The following CASR variants were observed in gnomAD, a reference collection of about 807,000 sequenced individuals.
CASR encodes the protein calcium sensing receptor.
CASR carries 23 observed loss-of-function variants against 69.1 expected under a neutral mutation model. The ratio of observed to expected loss-of-function variants is 0.33; its 90% CI spans 0.24 to 0.47. CASR has a LOEUF of 0.47. CASR is among the 20% of genes least tolerant of loss of function. The pLI is 1.00. For synonymous variants in CASR, 541 were observed against 544.7 expected, an observed-to-expected ratio of 0.99 and a Z score of 0.10; for missense variants, 924 against 1,356.1, an observed-to-expected ratio of 0.68 and a Z score of 5.00.
At chr3:122,186,978 T>C (rs1453797952) in intron 1 of CASR, among the ~76,000 whole-genome samples, 1 of 152,240 alleles carries the variant, frequency 6.6e-6, no homozygotes, top group Admixed American at 6.5e-5. Context: ...TTGGTCATGG[T>C]TTGCCATTGC....
intron 5 of CASR, among the ~76,000 whole-genome samples, chr3:122,280,273 T>C (rs533203884): frequency 6.6e-5 from 10 of 152,312 alleles, no homozygotes; most frequent in South Asian, 6.2e-4. Context: ...AGGCAAAAGC[T>C]GGACGCATTC....
At chr3:122,253,617 T>C (rs2074521418) in intron 1 of CASR, among the ~76,000 whole-genome samples, 1 of 152,400 alleles carries the variant, frequency 6.6e-6, no homozygotes, top group African/African-American at 2.4e-5. Flanking sequence ...AAGGAGCTTC[T>C]GCTACTAATA....
intron 1 of CASR, among the ~76,000 whole-genome samples, chr3:122,210,983 G>A (rs2074059867): frequency 6.6e-6 from 1 of 152,172 alleles, no homozygotes; most frequent in Non-Finnish European, 1.5e-5. Flanking sequence ...AACAAGCAAT[G>A]GGGAAAGGAT....
At chr3:122,201,374 A>G (rs981680598) in intron 1 of CASR, among the ~76,000 whole-genome samples, 2 of 152,226 alleles carry the variant, frequency 1.3e-5, no homozygotes, top group Non-Finnish European at 1.5e-5. Context: ...GTACAGAACA[A>G]AATGAAAAGT....
At chr3:122,266,317 T>G (rs1319468180) in intron 4 of CASR, among the ~76,000 whole-genome samples, 1 of 152,088 alleles carries the variant, frequency 6.6e-6, no homozygotes, top group East Asian at 1.9e-4. Context: ...ATGCATGTCC[T>G]GTATTTGCCC....
intron 1 of CASR, among the ~76,000 whole-genome samples, chr3:122,212,934 G>C (rs949624963): frequency 1.3e-5 from 2 of 152,150 alleles, no homozygotes; most frequent in Non-Finnish European, 1.5e-5. Context: ...GAGCCACAGT[G>C]CCTGGCCGAT....
In CASR at chr3:122,232,913, G is replaced by A. The variant is rs2074293238; in HGVS notation, c.-242-21035G>A. ...CAACTTCACAGAACATCAACAGCAAGCAAGATGTCTCTGTGACCATGATAA... is the reference window on the plus strand; with the variant it reads ...CAACTTCACAGAACATCAACAGCAAACAAGATGTCTCTGTGACCATGATAA... On this transcript the variant is annotated intron_variant, in intron 1 of 6. Transcript: ENST00000639785. Among the ~76,000 whole-genome samples the A allele has an allele frequency of 2.0e-5, 3 of 152,116 alleles. No individual in the cohort carries two copies. The South Asian group carries it at 6.2e-4, about 32-fold the overall frequency.
chr3:122,186,450 G>A (rs368131384), intron 1 of CASR, among the ~76,000 whole-genome samples: 59 of 152,204 alleles, frequency 3.9e-4, no homozygotes, highest in African/African-American at 1.3e-3. Context: ...AAGATAACAC[G>A]GCAATAAGTA....
chr3:122,241,920 G>C (rs1217710665), intron 1 of CASR, among the ~76,000 whole-genome samples: 1 of 151,928 alleles, frequency 6.6e-6, no homozygotes, highest in African/African-American at 2.4e-5. Context: ...CAGAACGAAG[G>C]ACAAAAATCA....
chr3:122,215,976 C>T (rs2074113934), intron 1 of CASR, among the ~76,000 whole-genome samples: 1 of 152,220 alleles, frequency 6.6e-6, no homozygotes, highest in East Asian at 1.9e-4. Flanking sequence ...GGTCCTTACC[C>T]TCACAGAGCC....
chr3:122,211,420 C>T (rs910693913), intron 1 of CASR, among the ~76,000 whole-genome samples: 1 of 152,060 alleles, frequency 6.6e-6, no homozygotes, highest in Non-Finnish European at 1.5e-5. Flanking sequence ...AAAAAGTAGG[C>T]AAAGGGGCCA....
intron 1 of CASR, among the ~76,000 whole-genome samples, chr3:122,246,039 T>G (rs2074424865): frequency 6.6e-6 from 1 of 152,216 alleles, no homozygotes; most frequent in Non-Finnish European, 1.5e-5. Flanking sequence ...ATTTGTGAAT[T>G]CCAGCTCCTG....
chr3:122,196,191 A>G (rs1379182416), intron 1 of CASR, among the ~76,000 whole-genome samples: 2 of 152,226 alleles, frequency 1.3e-5, no homozygotes, highest in Non-Finnish European at 2.9e-5. Flanking sequence ...TGTGTTCATG[A>G]TATAAACACA....
chr3:122,218,642 A>G (rs1482622445), intron 1 of CASR, among the ~76,000 whole-genome samples: 1 of 151,474 alleles, frequency 6.6e-6, no homozygotes, highest in Non-Finnish European at 1.5e-5. Flanking sequence ...AGGAGAATCC[A>G]TTTATTCATT....
intron 1 of CASR, among the ~76,000 whole-genome samples, chr3:122,242,684 T>A (rs1458559506): frequency 6.6e-6 from 1 of 152,112 alleles, no homozygotes; most frequent in Non-Finnish European, 1.5e-5. Context: ...TCCTAAAATT[T>A]ATATGGAACC....
At chr3:122,240,952 TAAG>T (rs2074373702) in intron 1 of CASR, among the ~76,000 whole-genome samples, 1 of 152,028 alleles carries the variant, frequency 6.6e-6, no homozygotes, top group South Asian at 2.1e-4. Flanking sequence ...GTGAAAAAAT[TAAG>T]AAGGAAATTT....
chr3:122,226,273 A>G (rs944891409), intron 1 of CASR, among the ~76,000 whole-genome samples: 1 of 151,234 alleles, frequency 6.6e-6, no homozygotes, highest in Non-Finnish European at 1.5e-5. Flanking sequence ...TCAGGAGTGA[A>G]GCTGCAGACC....
chr3:122,241,745 A>G (rs1161620132), intron 1 of CASR, among the ~76,000 whole-genome samples: 1 of 152,108 alleles, frequency 6.6e-6, no homozygotes, highest in Non-Finnish European at 1.5e-5. Flanking sequence ...ACTACAGGCC[A>G]ACATCTCTGA....
chr3:122,257,137 T>A lies in CASR; in HGVS notation c.242T>A (p.Ile81Lys). ...GCTATGATATTTGCCATAGAGGAGA[T>A]AAACAGCAGCCCAGCCCTTCTTCCC... The part of the protein sequence containing the change: ...LQAMIFAIEE[I>K]NSSPALLPNL... Residue 81 changes from isoleucine (I) to lysine (K), a missense_variant, in exon 3 of 7, where the codon ATA (isoleucine) becomes AAA (lysine). Transcript: ENST00000639785. 2 of 1,614,178 alleles carry A rather than the reference T, an allele frequency of 1.2e-6. No individual in the cohort carries two copies. The highest frequency in any genetic ancestry group is 1.7e-6 in the Non-Finnish European group (2 of 1,180,008).
Sources: allele counts gnomAD v4.1 joint callset (sites outside exome capture counted in the v4.1 genomes callset), GRCh38; gene constraint gnomAD v4.1.1; transcripts MANE v1.5; gene names NCBI Gene and HGNC (gene_info 2026-07-23, HGNC 2026-07-21).